The following PTPRR variants were observed in gnomAD, a reference collection of about 807,000 sequenced individuals.
PTPRR encodes receptor-type tyrosine-protein phosphatase R.
In PTPRR, 38 loss-of-function variants were observed where a neutral mutation model predicts 77.2. The observed-to-expected ratio is 0.49, with a 90% CI of 0.38 to 0.65. The LOEUF is 0.65. PTPRR is among the 30% of genes least tolerant of loss of function. PTPRR has a pLI of 0.00. For synonymous variants in PTPRR, 299 were observed against 283.1 expected (o/e 1.06, Z -0.57); for missense variants, 744 against 799.2 (o/e 0.93, Z 0.83).
At chr12:70,721,934 A>C (rs1384578292) in intron 6 of PTPRR, among the ~76,000 whole-genome samples, 1 of 152,184 alleles carries the variant, frequency 6.6e-6, no homozygotes, top group African/African-American at 2.4e-5. Context: ...TCTACAGCCC[A>C]AATTGACCCC....
intron 10 of PTPRR, among the ~76,000 whole-genome samples, chr12:70,666,987 G>T (rs182725840): frequency 9.9e-6 from 1 of 101,398 alleles, no homozygotes; most frequent in East Asian, 2.8e-4. Flanking sequence ...ACGGAGTCTC[G>T]CTCTGTCACT....
chr12:70,815,077 T>C (rs146626665), intron 2 of PTPRR, among the ~76,000 whole-genome samples: 83 of 146,848 alleles, frequency 5.7e-4, no homozygotes, highest in African/African-American at 2.0e-3. Flanking sequence ...ACAACTACGC[T>C]CCATACACTT....
chr12:70,646,149 T>A (rs1463433379), intron 13 of PTPRR, among the ~76,000 whole-genome samples: 1 of 152,200 alleles, frequency 6.6e-6, no homozygotes, highest in Non-Finnish European at 1.5e-5. Context: ...ACAAAAGGTG[T>A]GGACGTTAAT....
intron 1 of PTPRR, among the ~76,000 whole-genome samples, chr12:70,900,384 A>G (rs1417766975): frequency 6.6e-6 from 1 of 151,442 alleles, no homozygotes; most frequent in Non-Finnish European, 1.5e-5. Context: ...AAAATGAATT[A>G]AAGATTTCCA....
intron 2 of PTPRR, among the ~76,000 whole-genome samples, chr12:70,820,551 T>C (rs1302600794): frequency 6.6e-6 from 1 of 152,192 alleles, no homozygotes; most frequent in East Asian, 1.9e-4. Flanking sequence ...GCCAGGGTGG[T>C]CTCGATCTCC....
intron 2 of PTPRR, among the ~76,000 whole-genome samples, chr12:70,768,637 G>T (rs891891519): frequency 6.6e-6 from 1 of 152,094 alleles, no homozygotes; most frequent in East Asian, 1.9e-4. Context: ...GAAAAAGAGG[G>T]AATCCTCCCT....
chr12:70,798,497 A>G (rs1482197244), intron 2 of PTPRR, among the ~76,000 whole-genome samples: 1 of 152,222 alleles, frequency 6.6e-6, no homozygotes, highest in Non-Finnish European at 1.5e-5. Flanking sequence ...CAGGCTCCAC[A>G]GCTCACCCTG....
Position 70,700,486 on chromosome 12 carries a change from A to T in PTPRR, c.1194+651T>A, listed in dbSNP as rs534934649. On this transcript the variant is annotated intron_variant, in intron 7 of 13. Transcript: ENST00000283228. ...TATTTCGTTAAAGGGCACCATATGCACCCTGTTGGCCAAACCAAAAACACG... is the reference window on the plus strand; with the variant it reads ...TATTTCGTTAAAGGGCACCATATGCTCCCTGTTGGCCAAACCAAAAACACG... 7.9e-5 allele frequency among the ~76,000 whole-genome samples: 12 copies of T among 152,268 alleles called. No individual in the cohort carries two copies. The South Asian group carries it at 2.5e-3, about 32-fold the overall frequency.
intron 1 of PTPRR, among the ~76,000 whole-genome samples, chr12:70,898,735 T>A (rs890587186): frequency 2.0e-5 from 3 of 151,108 alleles, no homozygotes; most frequent in Non-Finnish European, 4.4e-5. Context: ...GAAATTAAAC[T>A]GTTAAAAGTA....
chr12:70,742,676 GT>G, intron 6 of PTPRR, among the ~76,000 whole-genome samples: 1 of 152,294 alleles, frequency 6.6e-6, no homozygotes, highest in African/African-American at 2.4e-5. Flanking sequence ...AGTTTAAGAG[GT>G]CTAGAGAGTG....
chr12:70,757,399 G>A (rs1404035609), intron 4 of PTPRR, among the ~76,000 whole-genome samples: 1 of 152,054 alleles, frequency 6.6e-6, no homozygotes, highest in East Asian at 1.9e-4. Flanking sequence ...AATTCATTTT[G>A]TAAAAACATT....
chr12:70,745,396 A>G lies in PTPRR; in HGVS notation c.1007+422T>C, dbSNP rs574886936. On this transcript the variant is annotated intron_variant, in intron 6 of 13. Transcript: ENST00000283228. Reference sequence around the variant, plus strand: ...ATGCAGAGCTAAAACTTTAAAAAAAATTAATCTGTGGCATCAACTCCTGCC... The same window carrying G: ...ATGCAGAGCTAAAACTTTAAAAAAAGTTAATCTGTGGCATCAACTCCTGCC... 2.0e-5 allele frequency among the ~76,000 whole-genome samples: 3 copies of G among 152,346 alleles called. No individual in the cohort carries two copies. In the South Asian group the frequency reaches 6.2e-4, roughly 32 times the overall value.
chr12:70,727,976 C>T (rs1889503158), intron 6 of PTPRR, among the ~76,000 whole-genome samples: 1 of 152,188 alleles, frequency 6.6e-6, no homozygotes, highest in African/African-American at 2.4e-5. Context: ...GCATGCAGAG[C>T]TCAGCTCATT....
intron 2 of PTPRR, among the ~76,000 whole-genome samples, chr12:70,882,730 G>A (rs1241792812): frequency 6.6e-6 from 1 of 152,004 alleles, no homozygotes; most frequent in Admixed American, 6.6e-5. Flanking sequence ...ATCCAAAGAG[G>A]CTTCATATCC....
intron 2 of PTPRR, among the ~76,000 whole-genome samples, chr12:70,827,154 C>G (rs1290224018): frequency 6.6e-6 from 1 of 152,192 alleles, no homozygotes; most frequent in Non-Finnish European, 1.5e-5. Flanking sequence ...TTATCATGAT[C>G]TATAATCACC....
At chr12:70,732,427 G>T (rs539886568) in intron 6 of PTPRR, among the ~76,000 whole-genome samples, 1 of 152,210 alleles carries the variant, frequency 6.6e-6, no homozygotes, top group South Asian at 2.1e-4. Flanking sequence ...CAGGTGCAGC[G>T]TGACATTGCC....
intron 2 of PTPRR, chr12:70,789,093 T>C: frequency 2.2e-6 from 1 of 449,938 alleles, no homozygotes; most frequent in Non-Finnish European, 3.9e-6. Context: ...CATGGGGATT[T>C]TTTTTTTCCA....
chr12:70,732,832 T>C (rs1282245559), intron 6 of PTPRR, among the ~76,000 whole-genome samples: 2 of 152,228 alleles, frequency 1.3e-5, no homozygotes, highest in African/African-American at 4.8e-5. Context: ...GTGCTAGGAT[T>C]ACAGGCATGA....
intron 6 of PTPRR, among the ~76,000 whole-genome samples, chr12:70,721,243 C>T (rs1401402366): frequency 1.3e-5 from 2 of 152,090 alleles, no homozygotes; most frequent in African/African-American, 2.4e-5. Flanking sequence ...CTGAGGAGAA[C>T]CAAGAGAACA....
Sources: allele counts gnomAD v4.1 joint callset (sites outside exome capture counted in the v4.1 genomes callset), GRCh38; gene constraint gnomAD v4.1.1; transcripts MANE v1.5; gene names NCBI Gene and HGNC (gene_info 2026-07-23, HGNC 2026-07-21).